SLC35F4: variants seen among roughly 807,000 people sequenced by gnomAD.
SLC35F4 encodes the protein solute carrier family 35 member F4, also known as chromosome 14 open reading frame 36.
In SLC35F4, 24 loss-of-function variants were observed where a neutral mutation model predicts 44.2. The observed-to-expected ratio is 0.54, with a 90% CI of 0.39 to 0.76. The LOEUF is 0.76. Among genes scored for constraint, SLC35F4 ranks in the 30% least tolerant of loss-of-function variants. The probability of loss-of-function intolerance (pLI) is 0.00; values close to 1 mark genes in which losing one functional copy is unlikely to be tolerated. For synonymous variants in SLC35F4, 238 were observed against 223.6 expected (o/e 1.06, Z -0.57); for missense variants, 562 against 586.1 (o/e 0.96, Z 0.42).
chr14:57,828,933 A>G (rs1275563118), intron 1 of SLC35F4, among the ~76,000 whole-genome samples: 3 of 152,360 alleles, frequency 2.0e-5, no homozygotes, highest in South Asian at 4.1e-4. Flanking sequence ...TAGCCATGTT[A>G]CACAACTCAT....
intron 1 of SLC35F4, among the ~76,000 whole-genome samples, chr14:57,648,931 C>T (rs904681820): frequency 5.3e-5 from 8 of 152,184 alleles, no homozygotes; most frequent in South Asian, 4.1e-4. Flanking sequence ...GACAGACCTA[C>T]GACTCACTCA....
chr14:57,790,714 A>G (rs2077896325), intron 1 of SLC35F4, among the ~76,000 whole-genome samples: 1 of 152,222 alleles, frequency 6.6e-6, no homozygotes, highest in African/African-American at 2.4e-5. Context: ...TGGAGGCATC[A>G]CACTACCTGA....
At chr14:57,918,663 G>C (rs1435512696) in intron 1 of SLC35F4, among the ~76,000 whole-genome samples, 1 of 152,196 alleles carries the variant, frequency 6.6e-6, no homozygotes, top group Non-Finnish European at 1.5e-5. Context: ...GAACGAGGAA[G>C]GGATGGTACA....
In SLC35F4 at chr14:57,953,112, G is replaced by A. The variant is rs143041297; in HGVS notation, n.282+28801C>T. On this transcript the variant is annotated intron_variant and non_coding_transcript_variant, in intron 1 of 1. Coordinates refer to the SLC35F4 transcript ENST00000556568. The stretch of plus-strand genomic sequence containing the variant: ...CTCTCTGCAGAAACCTTACGAACCA[G>A]AAGAGAGTGGGAACAAATATTCAAC... Among the ~76,000 whole-genome samples the A allele has an allele frequency of 4.3e-3, 658 of 152,332 alleles. 2 individuals are homozygous for A. The highest frequency in any genetic ancestry group is 0.017 in the Middle Eastern group (5 of 294).
intron 1 of SLC35F4, among the ~76,000 whole-genome samples, chr14:57,648,056 T>C (rs10131432): frequency 6.6e-6 from 1 of 152,214 alleles, no homozygotes; most frequent in African/African-American, 2.4e-5. Context: ...CTTTTTAGTG[T>C]TTTCACTATT....
At chr14:57,935,192 T>A (rs1450769419) in intron 1 of SLC35F4, among the ~76,000 whole-genome samples, 1 of 152,190 alleles carries the variant, frequency 6.6e-6, no homozygotes, top group Non-Finnish European at 1.5e-5. Flanking sequence ...TGGAGTCAAA[T>A]GTAAATTGAC....
At chr14:57,882,103 T>G (rs1331903216) in intron 1 of SLC35F4, among the ~76,000 whole-genome samples, 1 of 152,012 alleles carries the variant, frequency 6.6e-6, no homozygotes, top group African/African-American at 2.4e-5. Flanking sequence ...AGTGGTACCC[T>G]CCCTCCCTCT....
At chr14:57,950,675 C>CTTTTTTTTTTTTTTTTT (rs59027196) in intron 1 of SLC35F4, among the ~76,000 whole-genome samples, 51 of 127,142 alleles carry the variant, frequency 4.0e-4, no homozygotes, top group East Asian at 1.6e-3. Flanking sequence ...TTCTTTCTTT[C>CTTTTTTTTTTTTTTTTT]TTTTTTTTTT....
At chr14:57,649,534 C>T (rs1044259219) in intron 1 of SLC35F4, among the ~76,000 whole-genome samples, 5 of 152,164 alleles carry the variant, frequency 3.3e-5, no homozygotes, top group African/African-American at 1.2e-4. Flanking sequence ...CTCTCCTCTT[C>T]AAGATCCTTA....
upstream of SLC35F4, among the ~76,000 whole-genome samples, chr14:57,867,611 C>A (rs1002978999): frequency 5.9e-5 from 9 of 151,462 alleles, no homozygotes; most frequent in Non-Finnish European, 1.0e-4. Context: ...CACCCCCCCC[C>A]ACGTGAAATA....
chr14:57,858,932 C>G (rs1887410006), intron 1 of SLC35F4, among the ~76,000 whole-genome samples: 1 of 137,630 alleles, frequency 7.3e-6, no homozygotes, highest in Non-Finnish European at 1.5e-5. Context: ...AACCTGATCT[C>G]TAAAAAAAAA....
chr14:57,877,823 T>C (rs1489706644), intron 1 of SLC35F4, among the ~76,000 whole-genome samples: 1 of 151,818 alleles, frequency 6.6e-6, no homozygotes, highest in African/African-American at 2.4e-5. Context: ...TAGATGGGAT[T>C]ACAGGCTTAT....
chr14:57,576,364 A>T (rs181267236), intron 4 of SLC35F4, among the ~76,000 whole-genome samples: 25 of 152,298 alleles, frequency 1.6e-4, no homozygotes, highest in Admixed American at 5.2e-4. Context: ...AGCAGCCCCT[A>T]AAAATGCAGA....
intron 1 of SLC35F4, among the ~76,000 whole-genome samples, chr14:57,813,183 C>A (rs1458176022): frequency 6.6e-6 from 1 of 152,190 alleles, no homozygotes; most frequent in African/African-American, 2.4e-5. Context: ...TGCAGTAGAA[C>A]CTTTCAGTAT....
chr14:57,700,277 G>A lies in SLC35F4; in HGVS notation c.104-106153C>T, dbSNP rs148929271. Among the ~76,000 whole-genome samples, 1,147 of 152,204 alleles carry A rather than the reference G, an allele frequency of 7.5e-3. 5 individuals carry two copies. Among genetic ancestry groups the A allele is most frequent in the Non-Finnish European group, 0.01 (683 of 68,002 alleles). ...TTGTAACACACTGTTCAGTATTTAT[G>A]TATCTAAACATTAAAAAGTACAGTA... On this transcript the variant is annotated intron_variant, in intron 1 of 7. Transcript: ENST00000556826.
chr14:57,792,371 A>G (rs1024848334), intron 1 of SLC35F4, among the ~76,000 whole-genome samples: 1 of 152,188 alleles, frequency 6.6e-6, no homozygotes, highest in African/African-American at 2.4e-5. Context: ...AATAACTAAA[A>G]GTAGAACTAC....
intron 4 of SLC35F4, among the ~76,000 whole-genome samples, chr14:57,578,464 C>G (rs934621009): frequency 6.8e-6 from 1 of 146,238 alleles, no homozygotes; most frequent in Non-Finnish European, 1.5e-5. Context: ...TGTTTGCCCT[C>G]GTTTAATTTC....
At chr14:57,910,731 G>C (rs999935612) in intron 1 of SLC35F4, among the ~76,000 whole-genome samples, 11 of 151,956 alleles carry the variant, frequency 7.2e-5, no homozygotes, top group Admixed American at 7.2e-4. Flanking sequence ...CTCCAACTTT[G>C]TGCTTCTCCT....
chr14:57,670,966 A>C (rs1007846758), intron 1 of SLC35F4, among the ~76,000 whole-genome samples: 19 of 134,968 alleles, frequency 1.4e-4, no homozygotes, highest in Middle Eastern at 4.9e-3. Flanking sequence ...GTGCAGTGGC[A>C]TGGTCTCAGC....
Sources: gnomAD v4.1 joint callset for allele counts (sites outside exome capture counted in the v4.1 genomes callset) on GRCh38, gnomAD v4.1.1 for gene constraint, MANE v1.5 for transcripts, NCBI Gene and HGNC (gene_info 2026-07-23, HGNC 2026-07-21) for gene names.